The following CORO2A variants were observed in gnomAD, a reference collection of about 807,000 sequenced individuals.
The protein encoded by CORO2A is coronin 2A, also known as coronin-2A.
Under a neutral mutation model 62.4 loss-of-function variants are expected in CORO2A, and 47 were observed. That is an observed-to-expected ratio of 0.75 (90% CI 0.60 to 0.96). The LOEUF is 0.96. CORO2A is among the 40% of genes least tolerant of loss of function. The probability of loss-of-function intolerance (pLI) is 0.00; values close to 1 mark genes in which losing one functional copy is unlikely to be tolerated. For synonymous variants in CORO2A, 273 were observed against 268.9 expected (o/e 1.02, Z -0.15); for missense variants, 610 against 684.1 (o/e 0.89, Z 1.21).
At chr9:98,159,844 C>G (rs933706942) in intron 1 of CORO2A, among the ~76,000 whole-genome samples, 7 of 152,078 alleles carry the variant, frequency 4.6e-5, no homozygotes, top group African/African-American at 1.4e-4. Flanking sequence ...CAGTGTCTAT[C>G]CCCCTTGGGC....
chr9:98,171,348 A>G (rs1445577760), intron 1 of CORO2A, among the ~76,000 whole-genome samples: 1 of 152,156 alleles, frequency 6.6e-6, no homozygotes, highest in Non-Finnish European at 1.5e-5. Context: ...GGACCCACAA[A>G]TCAGCCCTCA....
chr9:98,153,406 CTT>C (rs748913791), intron 2 of CORO2A, among the ~76,000 whole-genome samples: 38 of 129,366 alleles, frequency 2.9e-4, no homozygotes, highest in Non-Finnish European at 2.5e-4. Flanking sequence ...CGGCTGATAA[CTT>C]TTTTTTTTTT....
intron 1 of CORO2A, among the ~76,000 whole-genome samples, chr9:98,173,514 T>C (rs1050859845): frequency 1.3e-5 from 2 of 151,768 alleles, no homozygotes; most frequent in Non-Finnish European, 2.9e-5. Context: ...CGGTGGCCAC[T>C]GCGGCTCTGC....
intron 2 of CORO2A, among the ~76,000 whole-genome samples, chr9:98,155,141 T>C (rs1435573069): frequency 6.6e-6 from 1 of 152,222 alleles, no homozygotes; most frequent in Non-Finnish European, 1.5e-5. Flanking sequence ...GGTTTACTAA[T>C]GAGGTTGAGT....
intron 1 of CORO2A, among the ~76,000 whole-genome samples, chr9:98,191,184 G>C (rs1427525839): frequency 1.3e-5 from 2 of 152,238 alleles, no homozygotes; most frequent in African/African-American, 4.8e-5. Context: ...GGGAGGTGGA[G>C]AAGAGGCCCC....
At chr9:98,161,722 G>A (rs1156821820) in intron 1 of CORO2A, among the ~76,000 whole-genome samples, 2 of 152,150 alleles carry the variant, frequency 1.3e-5, no homozygotes, top group African/African-American at 4.8e-5. Flanking sequence ...GGTGGGGAGA[G>A]GATGTTACTG....
In CORO2A at chr9:98,192,616, G is replaced by C. The variant is rs1049551128; in HGVS notation, c.-58C>G. The C allele has an allele frequency of 1.3e-5, 2 of 150,154 alleles. No homozygotes were observed. The highest frequency in any genetic ancestry group is 3.0e-5 in the Non-Finnish European group (2 of 67,282). The allele number at this position is 150,154 out of a possible 1,614,324, so 9.3% of individuals were successfully genotyped here. ...CGGCGGCGTCCAGCTCCGGCTCCGC[G>C]CTCCTCGCCGCCCGCCGACTCCCGG... On this transcript the variant is annotated 5_prime_UTR_variant, in exon 1 of 12. Coordinates refer to ENST00000375077, the MANE Select transcript of CORO2A (RefSeq NM_052820.4).
Position 98,128,707 on chromosome 9 carries a change from T to C in CORO2A, c.980A>G (p.Lys327Arg). 1.2e-6 allele frequency: 2 copies of C among 1,614,078 alleles called. No homozygotes were observed. The highest frequency in any genetic ancestry group is 1.7e-6 in the Non-Finnish European group (2 of 1,179,948). The change falls in exon 9 of 12, where the codon AAG becomes AGG. Residue 327 changes from lysine to arginine, a missense_variant. By Grantham distance (26) the Lys-to-Arg change is conservative (BLOSUM62 2). Transcript: ENST00000375077. ...GCAGGAGGACACGTCGAGTCCTCTCTTTGGCATGACACCTGAAGGCAGACA... is the reference window on the plus strand; with the variant it reads ...GCAGGAGGACACGTCGAGTCCTCTCCTTGGCATGACACCTGAAGGCAGACA... ...NPQKGIGVMP[K>R]RGLDVSSCEI... is the part of the protein sequence containing the mutation.
chr9:98,148,084 T>TAA (rs59012123), intron 2 of CORO2A, among the ~76,000 whole-genome samples: 1 of 136,636 alleles, frequency 7.3e-6, no homozygotes, highest in Non-Finnish European at 1.6e-5. Flanking sequence ...TCGCCTCTAT[T>TAA]AAAAAAAAAA....
chr9:98,157,502 C>G lies in CORO2A; in HGVS notation c.159G>C (p.Glu53Asp), dbSNP rs1204536102. The G allele has an allele frequency of 2.5e-6, 4 of 1,614,116 alleles. No individual in the cohort carries two copies. The African/African-American group carries it at 4.0e-5, about 16-fold the overall frequency. Residue 53 changes from glutamate to aspartate, a missense_variant, in exon 2 of 12, where the codon GAG (glutamate) becomes GAC (aspartate). By Grantham distance (45) the Glu-to-Asp change is conservative (BLOSUM62 2). Coordinates refer to ENST00000375077, the MANE Select transcript of CORO2A (RefSeq NM_052820.4). ...CGAGGAAGGCCCCTCCACCAGCACA[C>G]TCAGTCACAACTGCAATGAAGTGGG... ...VNPHFIAVVT[E>D]CAGGGAFLVI...
Position 98,177,754 on chromosome 9 carries a change from A to C in CORO2A, c.-1+14805T>G, listed in dbSNP as rs72757935. On this transcript the variant is annotated intron_variant, in intron 1 of 11. Coordinates refer to ENST00000375077, the MANE Select transcript of CORO2A (RefSeq NM_052820.4). ...TTCACTCCTTCCACAAGAAAAAAAA[A>C]AAACAAACTGTGCTCACACCCCATT... 3.5e-3 allele frequency among the ~76,000 whole-genome samples: 533 copies of C among 151,670 alleles called. 2 individuals are homozygous for C. The highest frequency in any genetic ancestry group is 5.7e-3 in the Non-Finnish European group (387 of 67,902).
At chr9:98,133,721 G>A (rs921948682) in intron 4 of CORO2A, among the ~76,000 whole-genome samples, 9 of 152,088 alleles carry the variant, frequency 5.9e-5, no homozygotes, top group Non-Finnish European at 1.2e-4. Context: ...GCTGTGGATC[G>A]GAAGAGCGAG....
intron 2 of CORO2A, among the ~76,000 whole-genome samples, chr9:98,146,476 CT>C (rs1440787128): frequency 2.0e-5 from 3 of 152,222 alleles, no homozygotes; most frequent in Non-Finnish European, 4.4e-5. Context: ...AGCCCGGCCC[CT>C]CTGAGAAGGA....
chr9:98,184,984 C>T (rs1187013493), intron 1 of CORO2A, among the ~76,000 whole-genome samples: 1 of 152,208 alleles, frequency 6.6e-6, no homozygotes, highest in Non-Finnish European at 1.5e-5. Context: ...CAAGCTTATA[C>T]ATTAGGCAGA....
chr9:98,133,610 G>A (rs759915062), intron 4 of CORO2A, among the ~76,000 whole-genome samples: 1 of 152,176 alleles, frequency 6.6e-6, no homozygotes, highest in Non-Finnish European at 1.5e-5. Context: ...CATTCCTATA[G>A]ACTAGGACGT....
intron 1 of CORO2A, among the ~76,000 whole-genome samples, chr9:98,170,487 G>C (rs914602413): frequency 3.9e-5 from 6 of 152,182 alleles, no homozygotes; most frequent in African/African-American, 1.4e-4. Flanking sequence ...TGTCACCCAG[G>C]CTGGAGTGCA....
At chr9:98,165,936 A>G (rs1189333518) in intron 1 of CORO2A, among the ~76,000 whole-genome samples, 2 of 152,230 alleles carry the variant, frequency 1.3e-5, no homozygotes, top group African/African-American at 4.8e-5. Context: ...TTTGAGACTC[A>G]GTGGTGTAAT....
chr9:98,176,597 C>G (rs1036558637), intron 1 of CORO2A, among the ~76,000 whole-genome samples: 2 of 152,154 alleles, frequency 1.3e-5, no homozygotes, highest in Non-Finnish European at 2.9e-5. Flanking sequence ...GATGGCTCCA[C>G]TGGGGGGTGG....
intron 1 of CORO2A, among the ~76,000 whole-genome samples, chr9:98,164,897 A>C (rs1157994774): frequency 1.3e-5 from 2 of 152,070 alleles, no homozygotes; most frequent in African/African-American, 2.4e-5. Context: ...AACTGGGGGA[A>C]GTCTTACTTA....
Sources: gnomAD v4.1 joint callset for allele counts (sites outside exome capture counted in the v4.1 genomes callset) on GRCh38, gnomAD v4.1.1 for gene constraint, MANE v1.5 for transcripts, NCBI Gene and HGNC (gene_info 2026-07-23, HGNC 2026-07-21) for gene names.